Variants in EFCAB13 observed in about 807,000 individuals in gnomAD.
EFCAB13 encodes the protein EF-hand calcium-binding domain-containing protein 13.
EFCAB13 carries 91 observed loss-of-function variants against 110.2 expected under a neutral mutation model. The ratio of observed to expected loss-of-function variants is 0.83; its 90% CI spans 0.70 to 0.98. EFCAB13 has a LOEUF of 0.98. Among genes scored for constraint, EFCAB13 ranks in the 50% least tolerant of loss-of-function variants. The probability of loss-of-function intolerance (pLI) is 0.00; values close to 1 mark genes in which losing one functional copy is unlikely to be tolerated. For synonymous variants in EFCAB13, 323 were observed against 369.9 expected (o/e 0.87, Z 1.45); for missense variants, 968 against 1,119.4 (o/e 0.86, Z 1.93).
At chr17:47,367,726 G>A (rs993749867) in intron 10 of EFCAB13, among the ~76,000 whole-genome samples, 4 of 152,158 alleles carry the variant, frequency 2.6e-5, no homozygotes, top group Non-Finnish European at 5.9e-5. Flanking sequence ...TCGACTTTCA[G>A]GAACTGAACT....
At chr17:47,329,419 A>G (rs184275412) in intron 4 of EFCAB13, among the ~76,000 whole-genome samples, 1 of 152,258 alleles carries the variant, frequency 6.6e-6, no homozygotes, top group East Asian at 1.9e-4. Context: ...CTACTGTGTA[A>G]AACATGTACC....
chr17:47,411,920 C>T lies in EFCAB13; in HGVS notation c.2279-853C>T, dbSNP rs566817046. Among the ~76,000 whole-genome samples the T allele has an allele frequency of 5.3e-5, 8 of 152,166 alleles. No homozygotes were observed. In the East Asian group the frequency reaches 1.2e-3, roughly 22 times the overall value. Reference sequence around the variant, plus strand: ...CAGTCTGGCCAACATGGCGAAACCCCGTCTCTACTAAAAATATTTAAAAAA... The same window carrying T: ...CAGTCTGGCCAACATGGCGAAACCCTGTCTCTACTAAAAATATTTAAAAAA... On this transcript the variant is annotated intron_variant, in intron 21 of 24. Transcript: ENST00000331493.
chr17:47,340,769 T>G (rs2065380014), intron 5 of EFCAB13, among the ~76,000 whole-genome samples: 1 of 104,842 alleles, frequency 9.5e-6, no homozygotes, highest in Non-Finnish European at 1.9e-5. Flanking sequence ...CTGGCTAATT[T>G]TTTTTTTTTT....
At chr17:47,421,144 T>C (rs1157879517) in intron 23 of EFCAB13, among the ~76,000 whole-genome samples, 1 of 151,622 alleles carries the variant, frequency 6.6e-6, no homozygotes, top group African/African-American at 2.4e-5. Context: ...CTGGGAGGTG[T>C]ACCCAACAGC....
chr17:47,346,914 C>G (rs1045437415), intron 8 of EFCAB13, among the ~76,000 whole-genome samples: 2 of 152,090 alleles, frequency 1.3e-5, no homozygotes, highest in Non-Finnish European at 2.9e-5. Context: ...TCTACTAAAA[C>G]TTATTTTATT....
chr17:47,348,035 T>C (rs2065427796), intron 9 of EFCAB13, 84 bp downstream of exon 9: 1 of 1,105,612 alleles, frequency 9.0e-7, no homozygotes, highest in African/African-American at 1.6e-5. Flanking sequence ...ATAGGAAAGC[T>C]AAACCTTAAA....
At chr17:47,405,130 A>G (rs1341444858) in intron 20 of EFCAB13, among the ~76,000 whole-genome samples, 3 of 152,178 alleles carry the variant, frequency 2.0e-5, no homozygotes, top group Non-Finnish European at 4.4e-5. Context: ...CCACTATATT[A>G]TGTAAACCTA....
chr17:47,419,508 T>A lies in EFCAB13; in HGVS notation c.2494+4589T>A, dbSNP rs113938424. Among the ~76,000 whole-genome samples, 1,303 of 152,016 alleles carry A rather than the reference T, an allele frequency of 8.6e-3. 12 individuals carry two copies. Among genetic ancestry groups the A allele is most frequent in the African/African-American group, 0.027 (1,111 of 41,418 alleles). The stretch of plus-strand genomic sequence containing the variant: ...CAGGAGGATCACTTGAGCCCAGGAG[T>A]TCAAGGCCACAGTGAGCTGTGATCA... On this transcript the variant is annotated intron_variant, in intron 23 of 24. Transcript: ENST00000331493.
intron 11 of EFCAB13, among the ~76,000 whole-genome samples, chr17:47,373,690 T>G (rs932015285): frequency 9.9e-5 from 15 of 152,186 alleles, no homozygotes; most frequent in Non-Finnish European, 2.1e-4. Flanking sequence ...TAGAGATACA[T>G]ATATAGCACC....
Position 47,393,072 on chromosome 17 carries a change from G to A in EFCAB13, c.1727-953G>A, listed in dbSNP as rs76160437. 6.4e-3 allele frequency among the ~76,000 whole-genome samples: 970 copies of A among 152,096 alleles called. 9 individuals carry two copies. The highest frequency in any genetic ancestry group is 0.019 in the African/African-American group (798 of 41,484). On this transcript the variant is annotated intron_variant, in intron 15 of 24. Coordinates refer to ENST00000331493, the MANE Select transcript of EFCAB13 (RefSeq NM_152347.5). ...CTCAACATCCTTAGTAATTAGGGAA[G>A]TGCAAAGTTTAGGTCATAATGAGAT...
chr17:47,440,927 G>T lies in EFCAB13; in HGVS notation c.*213G>T. On this transcript the variant is annotated 3_prime_UTR_variant, in exon 25 of 25. Coordinates refer to ENST00000331493, the MANE Select transcript of EFCAB13 (RefSeq NM_152347.5). ...GCTTTTTGAGGTATAATGTACATAT[G>T]GCAAAATTCACTCTTTTTAGGTATA... is the stretch of plus-strand genomic sequence containing the variant. 1 of 370,754 alleles carries T rather than the reference G, an allele frequency of 2.7e-6. No individual in the cohort carries two copies. The highest frequency in any genetic ancestry group is 4.8e-6 in the Non-Finnish European group (1 of 208,250). 23.0% of individuals were successfully genotyped at this position (370,754 alleles called of 1,614,324 possible). A position where few individuals can be genotyped will look rare whatever the true frequency, so the allele number is the denominator to read the frequency against.
At chr17:47,358,542 A>C (rs2065493364) in intron 9 of EFCAB13, among the ~76,000 whole-genome samples, 1 of 152,022 alleles carries the variant, frequency 6.6e-6, no homozygotes. Context: ...GATTTGTAGG[A>C]GTTTTCATAT....
intron 14 of EFCAB13, among the ~76,000 whole-genome samples, chr17:47,383,515 T>G (rs2143388772): frequency 6.6e-6 from 1 of 152,332 alleles, no homozygotes; most frequent in Middle Eastern, 3.4e-3. Context: ...ACTTATTTAT[T>G]TCTGCCTTCA....
At chr17:47,332,269 T>C (rs1378015894) in intron 4 of EFCAB13, among the ~76,000 whole-genome samples, 1 of 152,290 alleles carries the variant, frequency 6.6e-6, no homozygotes, top group South Asian at 2.1e-4. Context: ...TTTTTCTTAA[T>C]TGAGTTTTTT....
chr17:47,344,036 A>G, intron 6 of EFCAB13, 126 bp from the exon 7 acceptor site: 1 of 1,119,038 alleles, frequency 8.9e-7, no homozygotes, highest in South Asian at 2.1e-5. Context: ...GCAATTTTAC[A>G]CCAGAAGCAT....
chr17:47,369,739 A>G (rs1240119963), intron 10 of EFCAB13: 1 of 152,514 alleles, frequency 6.6e-6, no homozygotes, highest in East Asian at 1.9e-4. Flanking sequence ...AAGCAAAATC[A>G]AATATATGGA....
intron 23 of EFCAB13, among the ~76,000 whole-genome samples, chr17:47,424,530 A>G (rs1243014773): frequency 6.6e-6 from 1 of 152,184 alleles, no homozygotes; most frequent in Non-Finnish European, 1.5e-5. Flanking sequence ...TCTGAATGGG[A>G]CAGATACTTA....
chr17:47,378,298 A>T (rs1346089822), intron 13 of EFCAB13, among the ~76,000 whole-genome samples: 2 of 152,176 alleles, frequency 1.3e-5, no homozygotes, highest in Non-Finnish European at 2.9e-5. Flanking sequence ...AGATTACAAA[A>T]TACGGGGGAA....
At chr17:47,405,684 T>G (rs1247372904) in intron 20 of EFCAB13, among the ~76,000 whole-genome samples, 1 of 151,704 alleles carries the variant, frequency 6.6e-6, no homozygotes, top group Non-Finnish European at 1.5e-5. Flanking sequence ...TATGGTTATT[T>G]CTCATTCTTA....
Sources: gnomAD v4.1 joint callset for allele counts (sites outside exome capture counted in the v4.1 genomes callset) on GRCh38, gnomAD v4.1.1 for gene constraint, MANE v1.5 for transcripts, NCBI Gene and HGNC (gene_info 2026-07-23, HGNC 2026-07-21) for gene names.